The following TMPRSS11F variants were observed in gnomAD, a reference collection of about 807,000 sequenced individuals.
TMPRSS11F encodes the protein transmembrane protease serine 11F.
In TMPRSS11F, 47 loss-of-function variants were observed where a neutral mutation model predicts 60.2. That is an observed-to-expected ratio of 0.78 (90% CI 0.62 to 1.00). The LOEUF (loss-of-function observed/expected upper bound fraction) is 1.00. TMPRSS11F is among the 50% of genes least tolerant of loss of function. The probability of loss-of-function intolerance (pLI) is 0.00; values close to 1 mark genes in which losing one functional copy is unlikely to be tolerated. For synonymous variants in TMPRSS11F, 166 were observed against 167.3 expected, an observed-to-expected ratio of 0.99 and a Z score of 0.06; for missense variants, 519 against 522.9, an observed-to-expected ratio of 0.99 and a Z score of 0.07.
intron 3 of TMPRSS11F, among the ~76,000 whole-genome samples, chr4:68,081,796 T>A (rs1198926310): frequency 1.3e-5 from 2 of 152,228 alleles, no homozygotes; most frequent in African/African-American, 2.4e-5. Flanking sequence ...CGTATGGCTT[T>A]CATATGGCTT....
At chr4:68,126,617 A>G (rs1724718170) in intron 1 of TMPRSS11F, among the ~76,000 whole-genome samples, 1 of 152,234 alleles carries the variant, frequency 6.6e-6, no homozygotes, top group South Asian at 2.1e-4. Context: ...CTTTGGTTTT[A>G]GCCATATGAA....
intron 2 of TMPRSS11F, among the ~76,000 whole-genome samples, chr4:68,092,208 T>C (rs1723957957): frequency 8.1e-6 from 1 of 123,994 alleles, no homozygotes; most frequent in African/African-American, 2.6e-5. Context: ...TTTAAAAACA[T>C]TTTTTAGATC....
At chr4:68,071,639 A>G (rs1239515617) in intron 5 of TMPRSS11F, among the ~76,000 whole-genome samples, 2 of 152,238 alleles carry the variant, frequency 1.3e-5, no homozygotes, top group African/African-American at 4.8e-5. Context: ...TGGAATAGAA[A>G]TCAGCTCGGG....
At chr4:68,090,727 G>C in intron 2 of TMPRSS11F, 86 bp from the exon 3 acceptor site, 2 of 1,510,172 alleles carry the variant, frequency 1.3e-6, no homozygotes, top group Non-Finnish European at 1.8e-6. Flanking sequence ...TGCTAAATAG[G>C]CTACAATAAT....
At position 68,072,396 on chromosome 4, in the gene TMPRSS11F, T is replaced by G; in HGVS notation, c.441A>C (p.Glu147Asp). 2 of 1,601,484 alleles carry G rather than the reference T, an allele frequency of 1.2e-6. No individual in the cohort carries two copies. The highest frequency in any genetic ancestry group is 1.7e-4 in the Middle Eastern group (1 of 5,946). Residue 147 changes from glutamate (E) to aspartate (D), a missense_variant, in exon 5 of 10, where the codon GAA becomes GAC. Physicochemically the swap from Glu to Asp is conservative, Grantham distance 45 (BLOSUM62 2). Coordinates refer to ENST00000356291, the MANE Select transcript of TMPRSS11F (RefSeq NM_207407.2). Reference sequence around the variant, plus strand: ...TCTTCAAACTTTGATATAAAGCCTTTTCAATTTTTTTCTTGATTTGTTCAG... The same window carrying G: ...TCTTCAAACTTTGATATAAAGCCTTGTCAATTTTTTTCTTGATTTGTTCAG... Reference protein sequence around the residue: ...DSAEQIKKKIEKALYQSLKTK... With the variant: ...DSAEQIKKKIDKALYQSLKTK...
rs565563917 is a variant in TMPRSS11F at position 68,094,544 on chromosome 4, TATA to T, written c.164-3906_164-3904del. ...TGAACATGTACCCTAAAACTTAAAG[TATA>T]ATAATAATAAATAAATAAATTTAAA... On this transcript the variant is annotated intron_variant, in intron 2 of 9. Transcript: ENST00000356291. 1.3e-3 allele frequency among the ~76,000 whole-genome samples: 192 copies of T among 147,290 alleles called. 1 individual carries two copies. The highest frequency in any genetic ancestry group is 4.4e-3 in the African/African-American group (180 of 40,614).
In TMPRSS11F at chr4:68,090,621, G is replaced by A. The variant is rs758558153; in HGVS notation, c.184C>T (p.Leu62Phe). Residue 62 changes from leucine to phenylalanine, a missense_variant, in exon 3 of 10, where the codon CTT becomes TTT. By Grantham distance (22) the Leu-to-Phe change is conservative. Coordinates refer to ENST00000356291, the MANE Select transcript of TMPRSS11F (RefSeq NM_207407.2). ...ATATTTGTGACTTTAAAAGAGGCAA[G>A]GTAATAGAAAGACTTATCATCTGAA... ...VVEDDKSFYYLASFKVTNIKY... is the reference protein window; with the variant it reads ...VVEDDKSFYYFASFKVTNIKY... 1.3e-6 allele frequency: 2 copies of A among 1,597,472 alleles called. No homozygotes were observed. Among genetic ancestry groups the A allele is most frequent in the Admixed American group, 3.5e-5 (2 of 57,136 alleles).
rs1312121588 is a variant in TMPRSS11F, at chr4:68,059,348, T to C, written c.1136A>G (p.Glu379Gly). 5 of 1,613,884 alleles carry C rather than the reference T, an allele frequency of 3.1e-6. No individual in the cohort carries two copies. Among genetic ancestry groups the C allele is most frequent in the Non-Finnish European group, 4.2e-6 (5 of 1,179,952 alleles). The change falls in exon 9 of 10, where the codon GAA (glutamate) becomes GGA (glycine). Residue 379 changes from glutamate to glycine, a missense_variant. By Grantham distance (98) the Glu-to-Gly change is moderately conservative (BLOSUM62 -2). Transcript: ENST00000356291. ...TACCTTACATGCATCTATTTTTCCTTCCATGAATCCAGCACATAACATTCC... is the reference window on the plus strand; with the variant it reads ...TACCTTACATGCATCTATTTTTCCTCCCATGAATCCAGCACATAACATTCC... The part of the protein sequence containing the change: ...TPGMLCAGFM[E>G]GKIDACKGDS...
intron 3 of TMPRSS11F, among the ~76,000 whole-genome samples, chr4:68,086,744 C>A (rs528311417): frequency 8.5e-4 from 129 of 151,472 alleles, no homozygotes; most frequent in African/African-American, 3.0e-3. Flanking sequence ...ATTATGAACA[C>A]CCCTATGCAT....
intron 4 of TMPRSS11F, among the ~76,000 whole-genome samples, chr4:68,072,732 G>A (rs1346154959): frequency 1.3e-5 from 2 of 152,128 alleles, no homozygotes; most frequent in Non-Finnish European, 2.9e-5. Flanking sequence ...GAAAACAGTT[G>A]TTCACTGTCC....
intron 8 of TMPRSS11F, among the ~76,000 whole-genome samples, chr4:68,064,397 G>C (rs1723276238): frequency 6.6e-6 from 1 of 152,012 alleles, no homozygotes; most frequent in Non-Finnish European, 1.5e-5. Flanking sequence ...ATGTTGGCCA[G>C]GTGTGTCTTG....
At chr4:68,097,164 C>T (rs1174851695) in intron 2 of TMPRSS11F, among the ~76,000 whole-genome samples, 1 of 152,134 alleles carries the variant, frequency 6.6e-6, no homozygotes, top group African/African-American at 2.4e-5. Context: ...GGGTGTTAAC[C>T]TCTGTATTAG....
intron 1 of TMPRSS11F, among the ~76,000 whole-genome samples, chr4:68,107,253 C>T (rs1458879754): frequency 1.3e-5 from 2 of 152,162 alleles, no homozygotes; most frequent in African/African-American, 4.8e-5. Context: ...AATTTAGTTA[C>T]TATGGATATG....
At chr4:68,090,690 T>C in intron 2 of TMPRSS11F, 49 bp from the exon 3 acceptor site, 4 of 1,559,924 alleles carry the variant, frequency 2.6e-6, no homozygotes, top group Non-Finnish European at 2.6e-6. Flanking sequence ...TAATAAGTTG[T>C]TTTGTCCCCT....
intron 7 of TMPRSS11F, among the ~76,000 whole-genome samples, chr4:68,067,520 C>G (rs985200803): frequency 3.5e-5 from 5 of 142,834 alleles, no homozygotes; most frequent in Non-Finnish European, 4.7e-5. Flanking sequence ...CAGTTATAAA[C>G]TAAAATGGAA....
intron 3 of TMPRSS11F, among the ~76,000 whole-genome samples, chr4:68,088,104 G>GAT (rs1378466566): frequency 6.6e-6 from 1 of 151,864 alleles, no homozygotes; most frequent in African/African-American, 2.4e-5. Flanking sequence ...TGGCAGATTG[G>GAT]ATAAAGAGTC....
intron 1 of TMPRSS11F, among the ~76,000 whole-genome samples, chr4:68,101,456 CAAAAT>C (rs941110630): frequency 5.5e-5 from 4 of 73,268 alleles, no homozygotes; most frequent in Non-Finnish European, 1.1e-4. Flanking sequence ...ATAAATAAAA[CAAAAT>C]ATATTAAGTG....
At chr4:68,058,127 G>C (rs989131533) in intron 9 of TMPRSS11F, among the ~76,000 whole-genome samples, 3 of 152,112 alleles carry the variant, frequency 2.0e-5, no homozygotes, top group African/African-American at 7.2e-5. Context: ...CAAAGTTTCA[G>C]TGAGAAGGAA....
rs546111972 is a variant in TMPRSS11F at position 68,115,130 on chromosome 4, A to C, written c.11+14680T>G. 4.0e-5 allele frequency among the ~76,000 whole-genome samples: 6 copies of C among 151,706 alleles called. No individual in the cohort carries two copies. In the East Asian group the frequency reaches 1.2e-3, roughly 29 times the overall value. ...TTTGGGAGGCCGATGCGGGCAGATCATGAGGTCAGGAGATCGAGACCATCC... is the reference window on the plus strand; with the variant it reads ...TTTGGGAGGCCGATGCGGGCAGATCCTGAGGTCAGGAGATCGAGACCATCC... On this transcript the variant is annotated intron_variant, in intron 1 of 9. Transcript: ENST00000356291.
Sources: allele counts gnomAD v4.1 joint callset (sites outside exome capture counted in the v4.1 genomes callset), GRCh38; gene constraint gnomAD v4.1.1; transcripts MANE v1.5; gene names NCBI Gene and HGNC (gene_info 2026-07-23, HGNC 2026-07-21).